GALK2: variants seen among roughly 807,000 people sequenced by gnomAD.
The protein encoded by GALK2 is galactokinase 2.
In GALK2, 36 loss-of-function variants were observed where a neutral mutation model predicts 52.4. The observed-to-expected ratio is 0.69, with a 90% confidence interval of 0.53 to 0.91. GALK2 has a LOEUF of 0.91. Ranked by LOEUF, GALK2 falls within the 40% of genes least tolerant of loss-of-function variation. GALK2 has a pLI of 0.00. For missense variants in GALK2, 579 were observed against 559.1 expected, an observed-to-expected ratio of 1.04 and a Z score of -0.36; for synonymous variants, 176 against 199.1, an observed-to-expected ratio of 0.88 and a Z score of 0.98.
chr15:49,340,403 G>GCCCCCC (rs373386438), intron 3 of GALK2, among the ~76,000 whole-genome samples: 10 of 94,474 alleles, frequency 1.1e-4, no homozygotes, highest in South Asian at 3.7e-4. Flanking sequence ...GCAGTGCCCC[G>GCCCCCC]CCCCCCCCCT....
rs549059995 is a variant in GALK2 at position 49,355,492 on chromosome 15, G to C, written c.427-11999G>C. Among the ~76,000 whole-genome samples the C allele has an allele frequency of 5.7e-3, 871 of 152,252 alleles. 6 individuals carry two copies. The highest frequency in any genetic ancestry group is 0.02 in the African/African-American group (813 of 41,526). On this transcript the variant is annotated intron_variant, in intron 3 of 3. Transcript: ENST00000558399. Reference sequence around the variant, plus strand: ...ATCAACTGGAAGAAAGGGTATCAGCGATGGAAGATGAAATGAATGAAATGA... The same window carrying C: ...ATCAACTGGAAGAAAGGGTATCAGCCATGGAAGATGAAATGAATGAAATGA...
At chr15:49,360,702 C>G (rs1175761220) in intron 3 of GALK2, among the ~76,000 whole-genome samples, 1 of 152,078 alleles carries the variant, frequency 6.6e-6, no homozygotes, top group African/African-American at 2.4e-5. Flanking sequence ...ACTCATAATT[C>G]AAATATCAAG....
chr15:49,168,632 C>T (rs896733130), upstream of GALK2, among the ~76,000 whole-genome samples: 11 of 151,116 alleles, frequency 7.3e-5, no homozygotes, highest in Admixed American at 5.3e-4. Context: ...ACGGGAGAAT[C>T]GTTTGAACCT....
chr15:49,156,202 T>C, intron 1 of GALK2: 1 of 618,534 alleles, frequency 1.6e-6, no homozygotes, highest in East Asian at 2.9e-5. Flanking sequence ...TTGCCTTAAA[T>C]CTTACTCAGT....
chr15:49,234,687 T>G (rs1179429971), intron 3 of GALK2, among the ~76,000 whole-genome samples: 1 of 151,748 alleles, frequency 6.6e-6, no homozygotes, highest in African/African-American at 2.4e-5. Context: ...TACCATCAGG[T>G]CCCTCCCACA....
chr15:49,362,660 A>G (rs1457530332), intron 3 of GALK2, among the ~76,000 whole-genome samples: 1 of 152,054 alleles, frequency 6.6e-6, no homozygotes, highest in East Asian at 1.9e-4. Flanking sequence ...TTTTTCTTGC[A>G]ATTGCTTTTG....
At chr15:49,274,293 C>T (rs1441666046) in intron 5 of GALK2, among the ~76,000 whole-genome samples, 1 of 152,052 alleles carries the variant, frequency 6.6e-6, no homozygotes, top group Non-Finnish European at 1.5e-5. Context: ...GGCTATAGAA[C>T]CAGTACAGCA....
chr15:49,179,627 G>A (rs959778756), intron 1 of GALK2, among the ~76,000 whole-genome samples: 2 of 148,402 alleles, frequency 1.3e-5, no homozygotes, highest in African/African-American at 2.5e-5. Flanking sequence ...TACTAATACT[G>A]CTGTTCTTTT....
At chr15:49,189,205 C>G (rs1167768829) in intron 1 of GALK2, among the ~76,000 whole-genome samples, 1 of 152,168 alleles carries the variant, frequency 6.6e-6, no homozygotes, top group African/African-American at 2.4e-5. Context: ...AATGGTCTTC[C>G]ATAAATTTTA....
At chr15:49,301,003 G>A (rs1208639372) in intron 8 of GALK2, among the ~76,000 whole-genome samples, 2 of 152,114 alleles carry the variant, frequency 1.3e-5, no homozygotes, top group African/African-American at 4.8e-5. Context: ...TTGTAAGGCA[G>A]GTCCGATGGT....
chr15:49,263,082 G>C (rs2092202807), intron 5 of GALK2, among the ~76,000 whole-genome samples: 1 of 122,166 alleles, frequency 8.2e-6, no homozygotes, highest in East Asian at 2.3e-4. Context: ...ATGTCTATTA[G>C]GTCCGCTTGG....
intron 5 of GALK2, among the ~76,000 whole-genome samples, chr15:49,278,237 G>A (rs2032169822): frequency 6.6e-6 from 1 of 152,146 alleles, no homozygotes. Flanking sequence ...CTCCAGCCCG[G>A]GCGACAGAGC....
chr15:49,299,723 TTTCTTTCTTTCTTTTCTTTC>T (rs2034817886), intron 8 of GALK2, among the ~76,000 whole-genome samples: 1 of 33,708 alleles, frequency 3.0e-5, no homozygotes, highest in Non-Finnish European at 6.0e-5. Flanking sequence ...TCTTTCTTTC[TTTCTTTCTTTCTTTTCTTTC>T]TTTCTTTCTT....
At position 49,263,695 on chromosome 15, in the gene GALK2, C is replaced by T. The variant is rs2092235112; in HGVS notation, c.505-18292C>T. Among the ~76,000 whole-genome samples, 4 of 130,106 alleles carry T rather than the reference C, an allele frequency of 3.1e-5. No homozygotes were observed. In the South Asian group the frequency reaches 1.1e-3, roughly 36 times the overall value. The allele number at this position is 130,106 out of a possible 152,430, so 85.4% of individuals were successfully genotyped here. On this transcript the variant is annotated intron_variant, in intron 5 of 9. Transcript: ENST00000560031. ...GTCTTTACATTTTGGCATGATTTTGCAGCGGCTGGTACTGGTTGTTCCTTT... is the reference window on the plus strand; with the variant it reads ...GTCTTTACATTTTGGCATGATTTTGTAGCGGCTGGTACTGGTTGTTCCTTT...
chr15:49,266,928 A>C (rs1394091860), intron 5 of GALK2, among the ~76,000 whole-genome samples: 1 of 152,170 alleles, frequency 6.6e-6, no homozygotes, highest in South Asian at 2.1e-4. Context: ...CATTACGATG[A>C]GTTTTATAAC....
chr15:49,227,970 A>T (rs765760079), intron 3 of GALK2, among the ~76,000 whole-genome samples: 1 of 152,218 alleles, frequency 6.6e-6, no homozygotes, highest in East Asian at 1.9e-4. Context: ...TCCTTCATTT[A>T]TGAAGGATGA....
At chr15:49,263,140 CGTT>C (rs1365690488) in intron 5 of GALK2, among the ~76,000 whole-genome samples, 2 of 75,424 alleles carry the variant, frequency 2.7e-5, no homozygotes, top group East Asian at 6.4e-4. Flanking sequence ...CTTTCTGTCT[CGTT>C]GATCTGTCTA....
At chr15:49,253,269 A>G (rs2091684897) in intron 5 of GALK2, among the ~76,000 whole-genome samples, 2 of 144,202 alleles carry the variant, frequency 1.4e-5, no homozygotes, top group South Asian at 4.5e-4. Context: ...GGAGCCTCAT[A>G]GACTCAGGGA....
At chr15:49,263,927 G>C (rs1053235286) in intron 5 of GALK2, among the ~76,000 whole-genome samples, 1 of 151,916 alleles carries the variant, frequency 6.6e-6, no homozygotes, top group African/African-American at 2.4e-5. Context: ...TAGGGTTTCT[G>C]CCAAGAGATC....
Sources: allele counts gnomAD v4.1 joint callset (sites outside exome capture counted in the v4.1 genomes callset), GRCh38; gene constraint gnomAD v4.1.1; transcripts MANE v1.5; gene names NCBI Gene and HGNC (gene_info 2026-07-23, HGNC 2026-07-21).